Variants in WDR47 observed in about 807,000 individuals in gnomAD.
WDR47 encodes WD repeat-containing protein 47.
WDR47 carries 32 observed loss-of-function variants against 97.2 expected under a neutral mutation model. The ratio of observed to expected loss-of-function variants is 0.33; its 90% confidence interval spans 0.25 to 0.44. The LOEUF (loss-of-function observed/expected upper bound fraction) is 0.44. Among genes scored for constraint, WDR47 ranks in the 20% least tolerant of loss-of-function variants. The probability of loss-of-function intolerance (pLI) is 1.00; values close to 1 mark genes in which losing one functional copy is unlikely to be tolerated. For missense variants in WDR47, 782 were observed against 1,102.3 expected, an observed-to-expected ratio of 0.71 and a Z score of 4.11; for synonymous variants, 375 against 373.5, an observed-to-expected ratio of 1.00 and a Z score of -0.05.
intron 9 of WDR47, among the ~76,000 whole-genome samples, chr1:108,987,931 G>C (rs1341008338): frequency 6.6e-6 from 1 of 151,716 alleles, no homozygotes; most frequent in African/African-American, 2.4e-5. Flanking sequence ...CAATTATTAA[G>C]ACAAAATGTA....
At chr1:108,989,082 T>C (rs1469728865) in intron 9 of WDR47, among the ~76,000 whole-genome samples, 2 of 152,158 alleles carry the variant, frequency 1.3e-5, no homozygotes, top group Non-Finnish European at 2.9e-5. Context: ...ACTGTCAACC[T>C]GTCCATCCAG....
At chr1:109,005,774 CAA>C (rs1249989071) in intron 5 of WDR47, among the ~76,000 whole-genome samples, 1 of 152,016 alleles carries the variant, frequency 6.6e-6, no homozygotes, top group Non-Finnish European at 1.5e-5. Context: ...GAGGCTGAGA[CAA>C]GAGAATCGCT....
Position 109,034,220 on chromosome 1 carries a change from G to A in WDR47, c.-10+7642C>T, listed in dbSNP as rs965132706. ...GTAGAATCACCTGAACCCAGGAGGC[G>A]GAGGTTGCAGTGAGCTGGGATCACG... On this transcript the variant is annotated intron_variant, in intron 1 of 14. Transcript: ENST00000369962. Among the ~76,000 whole-genome samples, 45 of 152,196 alleles carry A rather than the reference G, an allele frequency of 3.0e-4. 1 individual carries two copies. The highest frequency in any genetic ancestry group is 2.7e-3 in the Admixed American group (41 of 15,272).
intron 3 of WDR47, 68 bp from the exon 4 acceptor site, chr1:109,013,993 G>T: frequency 8.5e-7 from 1 of 1,179,060 alleles, no homozygotes; most frequent in Non-Finnish European, 1.2e-6. Flanking sequence ...AAGTTACTAT[G>T]TAAGTACTTT....
rs1485048416 is a variant in WDR47, at chr1:108,992,270, T to C, written c.1692-941A>G. 4.5e-5 allele frequency: 40 copies of C among 895,058 alleles called. 1 individual carries two copies. Among genetic ancestry groups the C allele is most frequent in the Non-Finnish European group, 6.1e-5 (32 of 524,748 alleles). 55.4% of individuals were successfully genotyped at this position (895,058 alleles called of 1,614,324 possible). On this transcript the variant is annotated intron_variant, in intron 8 of 14. Transcript: ENST00000369962. ...AAAGTAAATCCGAAGCAGCCTGAGGTAATCTGTGAAAATGGTTCGCTATTC... is the reference window on the plus strand; with the variant it reads ...AAAGTAAATCCGAAGCAGCCTGAGGCAATCTGTGAAAATGGTTCGCTATTC...
rs1260111775 is a variant in WDR47, at chr1:108,997,516, G to A, written c.1434-1679C>T. Reference sequence around the variant, plus strand: ...TCATGCCTGTAATCCCAGCACTTTGGGAGACCGAGGCGGGCGGATCACGAG... The same window carrying A: ...TCATGCCTGTAATCCCAGCACTTTGAGAGACCGAGGCGGGCGGATCACGAG... On this transcript the variant is annotated intron_variant, in intron 7 of 14. Coordinates refer to ENST00000369962, the MANE Select transcript of WDR47 (RefSeq NM_001142551.2). 1.3e-4 allele frequency among the ~76,000 whole-genome samples: 20 copies of A among 152,126 alleles called. No homozygotes were observed. The East Asian group carries it at 3.7e-3, about 28-fold the overall frequency.
intron 5 of WDR47, among the ~76,000 whole-genome samples, chr1:109,004,970 T>G (rs889199668): frequency 4.6e-5 from 7 of 152,048 alleles, no homozygotes; most frequent in African/African-American, 1.7e-4. Flanking sequence ...TTTTGTATTT[T>G]TAGTAGAGAC....
chr1:109,008,749 AG>A (rs1319383557), intron 5 of WDR47, among the ~76,000 whole-genome samples: 1 of 152,052 alleles, frequency 6.6e-6, no homozygotes, highest in Non-Finnish European at 1.5e-5. Flanking sequence ...CTGGGACTAC[AG>A]GCCCGTGCCA....
In WDR47 at chr1:108,970,806, G is replaced by A. The variant is rs1657394038; in HGVS notation, c.*624C>T. 1 of 152,308 alleles carries A rather than the reference G, an allele frequency of 6.6e-6. No individual in the cohort carries two copies. The highest frequency in any genetic ancestry group is 1.5e-5 in the Non-Finnish European group (1 of 68,000). 9.4% of individuals were successfully genotyped at this position (152,308 alleles called of 1,614,324 possible). ...TATGACAAAATAATCATATCCCTGG[G>A]TTTAAGAAAAAAGGGCCTATACCAT... On this transcript the variant is annotated 3_prime_UTR_variant, in exon 15 of 15. Transcript: ENST00000369962.
Position 109,013,941 on chromosome 1 carries a change from G to A in WDR47, c.243-16C>T. ...ATAACGAAACCTGTGGGAAAAAAAT[G>A]AAGCATTAATTTTTCCAATGTCTGA... On this transcript the variant is annotated splice_polypyrimidine_tract_variant and intron_variant, in intron 3 of 14. Coordinates refer to ENST00000369962, the MANE Select transcript of WDR47 (RefSeq NM_001142551.2). 6.3e-7 allele frequency: 1 copy of A among 1,583,012 alleles called. No individual in the cohort carries two copies.
At chr1:109,040,775 A>G (rs1468107819) in intron 1 of WDR47, among the ~76,000 whole-genome samples, 1 of 152,202 alleles carries the variant, frequency 6.6e-6, no homozygotes, top group Non-Finnish European at 1.5e-5. Flanking sequence ...CTTCTTAGTA[A>G]AATGCCAATG....
chr1:109,002,259 A>G lies in WDR47; in HGVS notation c.1398T>C (p.Asp466=). Residue 466 remains aspartate, a synonymous_variant, in exon 7 of 15, where the codon GAT becomes GAC. Coordinates refer to ENST00000369962, the MANE Select transcript of WDR47 (RefSeq NM_001142551.2). ...EGGVNQEDGP[D]QQQNLTEQFL... ...ACTGTTCAGTAAGATTCTGCTGCTG[A>G]TCAGGACCATCCTCCTGATTCACGC... The G allele has an allele frequency of 1.2e-6, 2 of 1,609,722 alleles. No individual in the cohort carries two copies. Among genetic ancestry groups the G allele is most frequent in the Non-Finnish European group, 1.7e-6 (2 of 1,179,256 alleles).
At chr1:108,990,439 C>A (rs1162907445) in intron 9 of WDR47, among the ~76,000 whole-genome samples, 1 of 151,850 alleles carries the variant, frequency 6.6e-6, no homozygotes, top group Non-Finnish European at 1.5e-5. Flanking sequence ...GAGCTCCCGA[C>A]CTCAGATGAT....
intron 2 of WDR47, among the ~76,000 whole-genome samples, chr1:109,021,259 G>A (rs909069937): frequency 6.6e-6 from 1 of 152,136 alleles, no homozygotes; most frequent in African/African-American, 2.4e-5. Context: ...TAGGTGCAGT[G>A]GCTCATGTCT....
At chr1:109,021,134 T>C (rs1661806725) in intron 2 of WDR47, among the ~76,000 whole-genome samples, 1 of 152,204 alleles carries the variant, frequency 6.6e-6, no homozygotes, top group African/African-American at 2.4e-5. Flanking sequence ...CAATTCAGAC[T>C]AGAATATATT....
At chr1:109,018,264 C>A (rs992141683) in intron 2 of WDR47, among the ~76,000 whole-genome samples, 1 of 151,650 alleles carries the variant, frequency 6.6e-6, no homozygotes, top group Non-Finnish European at 1.5e-5. Context: ...CCCTGCCCAA[C>A]ATGGCGAAAC....
At chr1:109,019,822 T>C (rs1661688376) in intron 2 of WDR47, among the ~76,000 whole-genome samples, 1 of 152,250 alleles carries the variant, frequency 6.6e-6, no homozygotes, top group Non-Finnish European at 1.5e-5. Context: ...TTACAAGGCA[T>C]TCTTACATCT....
Position 109,011,032 on chromosome 1 carries a change from A to G in WDR47, c.1014T>C (p.Thr338=). The change falls in exon 5 of 15, where the codon ACT becomes ACC. Residue 338 remains threonine, a synonymous_variant. Transcript: ENST00000369962. ...DKRISDLGNK[T]SPMSHSFANF... ...TAGCAAAGGAGTGTGACATTGGAGAAGTTTTGTTTCCAAGGTCTGAAATTC... is the reference window on the plus strand; with the variant it reads ...TAGCAAAGGAGTGTGACATTGGAGAGGTTTTGTTTCCAAGGTCTGAAATTC... 6.2e-7 allele frequency: 1 copy of G among 1,614,158 alleles called. No homozygotes were observed. The highest frequency in any genetic ancestry group is 2.2e-5 in the East Asian group (1 of 44,870).
rs758438955 is a variant in WDR47, at chr1:108,986,646, T to G, written c.1802A>C (p.Asn601Thr). ...AACAGCTTGTGTGTCTTCTAGGATA[T>G]TAATACAAACAAACTGCTTTTTTGA... ...DKSKKQFVCINILEDTQAVRA... is the reference protein window; with the variant it reads ...DKSKKQFVCITILEDTQAVRA... The change falls in exon 10 of 15, where the codon AAT (asparagine) becomes ACT (threonine). Residue 601 changes from asparagine (N) to threonine (T), a missense_variant. By Grantham distance (65) the Asn-to-Thr change is moderately conservative. This residue lies in a region of WDR47 where 228 missense variants were observed against 396.7 expected (regional missense o/e 0.57). Coordinates refer to ENST00000369962, the MANE Select transcript of WDR47 (RefSeq NM_001142551.2). 5 of 1,612,486 alleles carry G rather than the reference T, an allele frequency of 3.1e-6. No individual in the cohort carries two copies.
Sources: gnomAD v4.1 joint callset for allele counts (sites outside exome capture counted in the v4.1 genomes callset) on GRCh38, gnomAD v4.1.1 for gene constraint, gnomAD v4.1.1 regional missense constraint, MANE v1.5 for transcripts, NCBI Gene and HGNC (gene_info 2026-07-23, HGNC 2026-07-21) for gene names.